Variants in PDE7B observed in about 807,000 individuals in gnomAD.
PDE7B encodes the protein 3',5'-cyclic-AMP phosphodiesterase 7B.
PDE7B carries 29 observed loss-of-function variants against 56.2 expected under a neutral mutation model. The ratio of observed to expected loss-of-function variants is 0.52; its 90% CI spans 0.38 to 0.70. PDE7B has a LOEUF of 0.70. PDE7B is among the 30% of genes least tolerant of loss of function. The pLI is 0.00. For synonymous variants in PDE7B, 197 were observed against 196.9 expected, an observed-to-expected ratio of 1.00 and a Z score of 0.00; for missense variants, 490 against 565.0, an observed-to-expected ratio of 0.87 and a Z score of 1.35.
At chr6:136,018,317 T>G (rs1776013341) in intron 2 of PDE7B, among the ~76,000 whole-genome samples, 1 of 152,084 alleles carries the variant, frequency 6.6e-6, no homozygotes, top group Non-Finnish European at 1.5e-5. Context: ...AAATTAAGAG[T>G]CAGGCAAAAC....
chr6:136,008,365 G>A (rs557523729), intron 2 of PDE7B, among the ~76,000 whole-genome samples: 1 of 152,076 alleles, frequency 6.6e-6, no homozygotes, highest in East Asian at 1.9e-4. Context: ...GGGATTGCTG[G>A]GTCAAATGGT....
At position 136,155,633 on chromosome 6, in the gene PDE7B, A is replaced by G. The variant is rs1445793675; in HGVS notation, c.586A>G (p.Ser196Gly). Residue 196 changes from serine to glycine, a missense_variant, in exon 8 of 13, where the codon AGC (serine) becomes GGC (glycine). Transcript: ENST00000308191. ...CAATTTGTTTTTTTAACAGCTTGCC[A>G]GCTTCCTCACGCCTCTGGACATCAT... ...HCYLKEPKLA[S>G]FLTPLDIMLG... is the part of the protein sequence containing the mutation. 6.2e-7 allele frequency: 1 copy of G among 1,602,178 alleles called. No individual in the cohort carries two copies. Among genetic ancestry groups the G allele is most frequent in the Non-Finnish European group, 8.5e-7 (1 of 1,173,240 alleles).
At chr6:135,866,432 T>C (rs1394401134) in intron 1 of PDE7B, among the ~76,000 whole-genome samples, 1 of 152,192 alleles carries the variant, frequency 6.6e-6, no homozygotes, top group Non-Finnish European at 1.5e-5. Flanking sequence ...TACAATCTCA[T>C]CAGAGTAATA....
At chr6:136,062,511 G>C (rs1776861457) in intron 2 of PDE7B, among the ~76,000 whole-genome samples, 1 of 152,130 alleles carries the variant, frequency 6.6e-6, no homozygotes. Context: ...CCACCATGCT[G>C]TACATTCAGT....
At chr6:136,080,143 C>A (rs1041112802) in intron 2 of PDE7B, among the ~76,000 whole-genome samples, 14 of 152,182 alleles carry the variant, frequency 9.2e-5, no homozygotes, top group Non-Finnish European at 1.3e-4. Flanking sequence ...CCCTCTCCCC[C>A]TTTTGGGTTC....
At chr6:136,001,167 C>T (rs991974092) in intron 2 of PDE7B, among the ~76,000 whole-genome samples, 3 of 152,204 alleles carry the variant, frequency 2.0e-5, no homozygotes, top group Non-Finnish European at 2.9e-5. Flanking sequence ...AACTAACAAA[C>T]AGAAAGGACA....
chr6:136,131,012 A>G (rs1778109331), intron 3 of PDE7B, among the ~76,000 whole-genome samples: 1 of 152,164 alleles, frequency 6.6e-6, no homozygotes, highest in African/African-American at 2.4e-5. Context: ...GGGAGCTACA[A>G]TTCAAGATGA....
At chr6:136,125,595 C>CAT (rs551540715) in intron 3 of PDE7B, among the ~76,000 whole-genome samples, 1,595 of 150,764 alleles carry the variant, frequency 0.011, 8 homozygotes, top group African/African-American at 0.018. Flanking sequence ...ATAAAGAATA[C>CAT]ATATATATAT....
intron 1 of PDE7B, among the ~76,000 whole-genome samples, chr6:135,902,934 A>G (rs1776031932): frequency 6.6e-6 from 1 of 152,200 alleles, no homozygotes; most frequent in Non-Finnish European, 1.5e-5. Flanking sequence ...AAACAGGATG[A>G]GAGAGGTTAA....
intron 1 of PDE7B, among the ~76,000 whole-genome samples, chr6:135,857,024 T>TCCTCCCTCCCTCCCTC (rs57985628): frequency 2.4e-4 from 31 of 127,584 alleles, no homozygotes; most frequent in African/African-American, 8.5e-4. Context: ...TTACTCCTTT[T>TCCTCCCTCCCTCCCTC]CCTCCCTCCC....
At chr6:136,095,557 C>T (rs540294843) in intron 2 of PDE7B, among the ~76,000 whole-genome samples, 1 of 152,296 alleles carries the variant, frequency 6.6e-6, no homozygotes, top group East Asian at 1.9e-4. Flanking sequence ...GAATGGATCA[C>T]TTTTCATGCC....
intron 8 of PDE7B, among the ~76,000 whole-genome samples, chr6:136,170,143 A>G (rs1052101335): frequency 2.0e-5 from 3 of 152,092 alleles, no homozygotes; most frequent in African/African-American, 7.2e-5. Flanking sequence ...CTCCTTCCTC[A>G]TTTGCTGAAA....
chr6:136,108,195 A>G (rs1394366241), intron 2 of PDE7B, among the ~76,000 whole-genome samples: 2 of 151,806 alleles, frequency 1.3e-5, no homozygotes, highest in Non-Finnish European at 2.9e-5. Context: ...AATAAGTACT[A>G]GAAACTCGAC....
At chr6:136,007,276 A>G (rs1241351581) in intron 2 of PDE7B, among the ~76,000 whole-genome samples, 2 of 152,160 alleles carry the variant, frequency 1.3e-5, no homozygotes, top group Admixed American at 6.6e-5. Context: ...ATTATGATGG[A>G]TTAGCCTTTT....
intron 1 of PDE7B, among the ~76,000 whole-genome samples, chr6:135,880,033 A>T (rs2128188526): frequency 6.6e-6 from 1 of 152,330 alleles, no homozygotes; most frequent in South Asian, 2.1e-4. Context: ...AATGTAGTAG[A>T]GCAGAAAAGT....
intron 2 of PDE7B, among the ~76,000 whole-genome samples, chr6:136,074,459 T>C (rs1022175553): frequency 2.0e-5 from 3 of 152,192 alleles, no homozygotes; most frequent in African/African-American, 7.2e-5. Flanking sequence ...CTTTTTAAGT[T>C]ATTTTTAAAT....
At chr6:136,010,329 T>C (rs1583826876) in intron 2 of PDE7B, among the ~76,000 whole-genome samples, 1 of 152,032 alleles carries the variant, frequency 6.6e-6, no homozygotes, top group East Asian at 1.9e-4. Flanking sequence ...TACCAGGTTT[T>C]AGGAATTCTA....
At chr6:136,091,643 A>G (rs932411378) in intron 2 of PDE7B, among the ~76,000 whole-genome samples, 4 of 152,234 alleles carry the variant, frequency 2.6e-5, no homozygotes, top group African/African-American at 7.2e-5. Flanking sequence ...AAAATCAAAC[A>G]TAGGATAAGC....
At chr6:136,096,992 T>C (rs1272381318) in intron 2 of PDE7B, among the ~76,000 whole-genome samples, 1 of 152,160 alleles carries the variant, frequency 6.6e-6, no homozygotes, top group Non-Finnish European at 1.5e-5. Flanking sequence ...TCTCCCTTGC[T>C]CTTGAAGCAC....
Sources: gnomAD v4.1 joint callset for allele counts (sites outside exome capture counted in the v4.1 genomes callset) on GRCh38, gnomAD v4.1.1 for gene constraint, MANE v1.5 for transcripts, NCBI Gene and HGNC (gene_info 2026-07-23, HGNC 2026-07-21) for gene names.